Variants in DHX34 observed in about 807,000 individuals in gnomAD.
The protein encoded by DHX34 is probable ATP-dependent RNA helicase DHX34.
A neutral mutation model predicts 111.1 loss-of-function variants in DHX34; 96 were observed. The observed-to-expected ratio is 0.86, with a 90% CI of 0.73 to 1.02. The LOEUF is 1.02. Among genes scored for constraint, DHX34 ranks in the 50% least tolerant of loss-of-function variants. The pLI is 0.00. For synonymous variants in DHX34, 688 were observed against 670.4 expected (o/e 1.03, Z -0.41); for missense variants, 1,560 against 1,579.9 (o/e 0.99, Z 0.21).
chr19:47,379,181 CTTCACA>C (rs1970268818), intron 13 of DHX34, among the ~76,000 whole-genome samples: 1 of 151,970 alleles, frequency 6.6e-6, no homozygotes, highest in Non-Finnish European at 1.5e-5. Context: ...GATGGAGAAA[CTTCACA>C]TTCACATAAG....
intron 1 of DHX34, among the ~76,000 whole-genome samples, chr19:47,349,746 A>T (rs1969228196): frequency 6.6e-6 from 1 of 152,060 alleles, no homozygotes. Flanking sequence ...GAGTGGAGGG[A>T]AAAGTCGGAA....
intron 3 of DHX34, among the ~76,000 whole-genome samples, chr19:47,356,642 G>A (rs1969465673): frequency 6.7e-6 from 1 of 149,870 alleles, no homozygotes; most frequent in Admixed American, 6.7e-5. Context: ...AAAAAAAAAA[G>A]AAAGAAAAGA....
rs572855176 is a variant in DHX34 at position 47,353,278 on chromosome 19, C to G, written c.248C>G (p.Pro83Arg). 21 of 1,614,136 alleles carry G rather than the reference C, an allele frequency of 1.3e-5. No individual in the cohort carries two copies. In the Admixed American group the frequency reaches 1.3e-4, roughly 10 times the overall value. ...LKTSRKEEKD[P>R]GQPKHSIPAL... ...ACCTCCAGGAAGGAGGAGAAAGACCCTGGACAGCCCAAGCACAGCATCCCA... is the reference window on the plus strand; with the variant it reads ...ACCTCCAGGAAGGAGGAGAAAGACCGTGGACAGCCCAAGCACAGCATCCCA... Residue 83 changes from proline (P) to arginine (R), a missense_variant, in exon 2 of 17, where the codon CCT becomes CGT. Physicochemically the swap from Pro to Arg is moderately radical, Grantham distance 103. Transcript: ENST00000328771. The surrounding 1 kb of genome is among the most constrained non-coding windows in gnomAD (Gnocchi z 4.6).
intron 7 of DHX34, among the ~76,000 whole-genome samples, chr19:47,369,127 C>T (rs1007820507): frequency 1.3e-5 from 2 of 152,136 alleles, no homozygotes; most frequent in Admixed American, 6.5e-5. Flanking sequence ...ATCTGCCCAC[C>T]TCAGCCTCCC....
At position 47,358,064 on chromosome 19, in the gene DHX34, C is replaced by T; in HGVS notation, c.1216C>T (p.Gln406Ter). 6.2e-7 allele frequency: 1 copy of T among 1,613,316 alleles called. No homozygotes were observed. Among genetic ancestry groups the T allele is most frequent in the African/African-American group, 1.3e-5 (1 of 75,080 alleles). Residue 406 changes from glutamine to a stop codon, truncating the protein, a stop_gained, in exon 4 of 17, where the codon CAG becomes TAG. Coordinates refer to ENST00000328771, the MANE Select transcript of DHX34 (RefSeq NM_014681.6). LOFTEE classifies it high-confidence loss of function. ...EAAQTYASHT[Q>*]RWVVLPLHSA... ...TGCCCAGACCTATGCCAGCCACACC[C>T]AGCGCTGGGTGGTACTGCCACTGCA...
In DHX34 at chr19:47,353,380, G is replaced by T; in HGVS notation, c.350G>T (p.Gly117Val). ...TCTGTTCTTGGCCCTGCCACGCGGG[G>T]CTCTCAGGGACTGGGCAGGCACTTG... is the stretch of plus-strand genomic sequence containing the variant. ...NLSVLGPATRGSQGLGRHLPA... is the reference protein window; with the variant it reads ...NLSVLGPATRVSQGLGRHLPA... Residue 117 changes from glycine to valine, a missense_variant, in exon 2 of 17, where the codon GGC (glycine) becomes GTC (valine). Transcript: ENST00000328771. This position sits in a 1 kb window ranked among gnomAD's most constrained non-coding sequence, Gnocchi z 4.6. 1 of 1,614,174 alleles carries T rather than the reference G, an allele frequency of 6.2e-7. No individual in the cohort carries two copies. Among genetic ancestry groups the T allele is most frequent in the Non-Finnish European group, 8.5e-7 (1 of 1,180,050 alleles).
chr19:47,353,405 G>T lies in DHX34; in HGVS notation c.375G>T (p.Leu125Phe). 1 of 1,614,196 alleles carries T rather than the reference G, an allele frequency of 6.2e-7. No individual in the cohort carries two copies. Among genetic ancestry groups the T allele is most frequent in the Non-Finnish European group, 8.5e-7 (1 of 1,180,042 alleles). The change falls in exon 2 of 17, where the codon TTG becomes TTT. Residue 125 changes from leucine (L) to phenylalanine (F), a missense_variant. Leu to Phe is a conservative substitution (Grantham distance 22). Coordinates refer to ENST00000328771, the MANE Select transcript of DHX34 (RefSeq NM_014681.6). This position sits in a 1 kb window ranked among gnomAD's most constrained non-coding sequence, Gnocchi z 4.6. ...TRGSQGLGRHLPAERVAEFRR... is the reference protein window; with the variant it reads ...TRGSQGLGRHFPAERVAEFRR... ...GCTCTCAGGGACTGGGCAGGCACTT[G>T]CCCGCGGAGAGAGTGGCTGAGTTCC...
At position 47,363,990 on chromosome 19, in the gene DHX34, A is replaced by G. The variant is rs139424508; in HGVS notation, c.1593+1297A>G. ...CATTTGTTAATTTAGCATAGGTTAGACTGCCATGACAAATACACATGGTCA... is the reference window on the plus strand; with the variant it reads ...CATTTGTTAATTTAGCATAGGTTAGGCTGCCATGACAAATACACATGGTCA... On this transcript the variant is annotated intron_variant, in intron 6 of 16. Coordinates refer to ENST00000328771, the MANE Select transcript of DHX34 (RefSeq NM_014681.6). Among the ~76,000 whole-genome samples, 1,193 of 152,262 alleles carry G rather than the reference A, an allele frequency of 7.8e-3. 23 individuals are homozygous for G. The highest frequency in any genetic ancestry group is 0.027 in the African/African-American group (1,126 of 41,546).
chr19:47,369,350 C>T (rs921743069), intron 7 of DHX34, among the ~76,000 whole-genome samples: 9 of 152,144 alleles, frequency 5.9e-5, no homozygotes, highest in Non-Finnish European at 1.0e-4. Flanking sequence ...CCATGTCGGC[C>T]GTGCTGGTCT....
At chr19:47,368,773 G>A (rs1229949046) in intron 7 of DHX34, among the ~76,000 whole-genome samples, 1 of 151,750 alleles carries the variant, frequency 6.6e-6, no homozygotes, top group African/African-American at 2.4e-5. Flanking sequence ...AAGTGCAGTG[G>A]TGCAATCCCA....
At chr19:47,367,270 A>T in intron 7 of DHX34, 115 bp downstream of exon 7, 1 of 1,148,436 alleles carries the variant, frequency 8.7e-7, no homozygotes, top group Non-Finnish European at 1.2e-6. Flanking sequence ...CAGTTCATTT[A>T]TTCACTCTTC....
At chr19:47,375,868 T>C (rs1970133469) in intron 10 of DHX34, 56 bp from the exon 11 acceptor site, 8 of 1,543,564 alleles carry the variant, frequency 5.2e-6, no homozygotes, top group Non-Finnish European at 6.1e-6. Context: ...GGTCTGCGGA[T>C]CATGGTAGGA....
intron 14 of DHX34, among the ~76,000 whole-genome samples, 173 bp downstream of exon 14, chr19:47,380,158 A>T (rs1162215506): frequency 6.6e-6 from 1 of 152,118 alleles, no homozygotes; most frequent in East Asian, 1.9e-4. Flanking sequence ...GTCTGGGTGG[A>T]GCTAGGATTT....
At chr19:47,362,917 C>A (rs1425852826) in intron 6 of DHX34, among the ~76,000 whole-genome samples, 2 of 152,042 alleles carry the variant, frequency 1.3e-5, no homozygotes, top group East Asian at 3.8e-4. Flanking sequence ...ACCACAGGCA[C>A]ACACCACCAC....
intron 9 of DHX34, chr19:47,375,262 C>G (rs1970098829): frequency 1.0e-6 from 1 of 984,642 alleles, no homozygotes; most frequent in Non-Finnish European, 1.2e-6. Context: ...CCTCCTCTTG[C>G]CCCTGGCCCC....
intron 7 of DHX34, among the ~76,000 whole-genome samples, chr19:47,370,674 A>G (rs1311228535): frequency 4.0e-5 from 2 of 50,194 alleles, no homozygotes; most frequent in Admixed American, 6.3e-4. Context: ...TTTTTGTTTT[A>G]TTTATTTATT....
Position 47,375,970 on chromosome 19 carries a change from C to G in DHX34, c.2354C>G (p.Ala785Gly). The G allele has an allele frequency of 6.2e-7, 1 of 1,604,024 alleles. No individual in the cohort carries two copies. Among genetic ancestry groups the G allele is most frequent in the Non-Finnish European group, 8.5e-7 (1 of 1,177,810 alleles). ...CATGACCTGGCGCAGCTGCAGGCCG[C>G]TGCCAGCTCAGCCCAGGACCTGAGC... ...LRHDLAQLQA[A>G]ASSAQDLSRE... is the part of the protein sequence containing the mutation. Residue 785 changes from alanine to glycine, a missense_variant, in exon 11 of 17, where the codon GCT becomes GGT. Transcript: ENST00000328771.
At chr19:47,377,295 G>A (rs1189265895) in intron 13 of DHX34, 89 bp downstream of exon 13, 36 of 1,370,784 alleles carry the variant, frequency 2.6e-5, no homozygotes, top group Non-Finnish European at 2.0e-6. Context: ...TGGGCTTGGA[G>A]GGGCCACCTG....
chr19:47,359,424 T>C (rs1969555898), intron 4 of DHX34, among the ~76,000 whole-genome samples: 1 of 150,250 alleles, frequency 6.7e-6, no homozygotes, highest in African/African-American at 2.5e-5. Context: ...ATCACGCCAC[T>C]GCACTCCATT....
Sources: gnomAD v4.1 joint callset for allele counts (sites outside exome capture counted in the v4.1 genomes callset) on GRCh38, gnomAD v4.1.1 for gene constraint, Gnocchi (gnomAD v3.1) non-coding constraint, MANE v1.5 for transcripts, NCBI Gene and HGNC (gene_info 2026-07-23, HGNC 2026-07-21) for gene names.